Variants in PRKG1 observed in about 807,000 individuals in gnomAD.
PRKG1 encodes the protein cGMP-dependent protein kinase 1.
Under a neutral mutation model 88.1 loss-of-function variants are expected in PRKG1, and 35 were observed. That is an observed-to-expected ratio of 0.40 (90% CI 0.30 to 0.53). The LOEUF (loss-of-function observed/expected upper bound fraction) is 0.53. Ranked by LOEUF, PRKG1 falls within the 20% of genes least tolerant of loss-of-function variation. The probability of loss-of-function intolerance (pLI) is 0.59; values close to 1 mark genes in which losing one functional copy is unlikely to be tolerated. For missense variants in PRKG1, 540 were observed against 839.8 expected, an observed-to-expected ratio of 0.64 and a Z score of 4.41; for synonymous variants, 303 against 292.5, an observed-to-expected ratio of 1.04 and a Z score of -0.37.
chr10:51,052,322 A>G (rs1323751745), intron 1 of PRKG1, among the ~76,000 whole-genome samples: 1 of 152,176 alleles, frequency 6.6e-6, no homozygotes, highest in South Asian at 2.1e-4. Context: ...TTTAACCTGG[A>G]ATTTTCTTAT....
At chr10:51,189,313 C>T (rs1324038556) in intron 2 of PRKG1, among the ~76,000 whole-genome samples, 1 of 151,926 alleles carries the variant, frequency 6.6e-6, no homozygotes, top group East Asian at 1.9e-4. Context: ...TTCTATAAAA[C>T]AAACAGAAAC....
intron 2 of PRKG1, among the ~76,000 whole-genome samples, chr10:51,190,088 A>C (rs1837594335): frequency 6.6e-6 from 1 of 152,072 alleles, no homozygotes; most frequent in South Asian, 2.1e-4. Flanking sequence ...GTGACTAAAC[A>C]CTTGAGTTCA....
chr10:51,282,020 A>G (rs1013538420), intron 2 of PRKG1, among the ~76,000 whole-genome samples: 3 of 152,212 alleles, frequency 2.0e-5, no homozygotes, highest in Admixed American at 2.0e-4. Flanking sequence ...GGCTAGTTGC[A>G]AACTATTCTT....
chr10:51,985,285 C>A (rs1844124704), intron 5 of PRKG1, among the ~76,000 whole-genome samples: 1 of 151,864 alleles, frequency 6.6e-6, no homozygotes, highest in African/African-American at 2.4e-5. Context: ...AAGCTTGTTT[C>A]ATGCGATTGA....
intron 3 of PRKG1, chr10:51,698,222 A>T (rs571252591): frequency 6.2e-7 from 1 of 1,613,964 alleles, no homozygotes; most frequent in Non-Finnish European, 8.5e-7. Flanking sequence ...TCTGGTTTCC[A>T]TCGCACAGGT....
intron 2 of PRKG1, among the ~76,000 whole-genome samples, chr10:51,455,960 T>C (rs574951373): frequency 6.6e-6 from 1 of 152,214 alleles, no homozygotes; most frequent in Non-Finnish European, 1.5e-5. Context: ...ACCCAACTCC[T>C]GGTACCAATT....
intron 2 of PRKG1, among the ~76,000 whole-genome samples, chr10:51,282,848 T>C (rs1197082762): frequency 1.3e-5 from 2 of 152,152 alleles, no homozygotes. Flanking sequence ...TTTATTTATG[T>C]TTATAATATC....
chr10:52,082,951 A>T (rs909815939), intron 7 of PRKG1, among the ~76,000 whole-genome samples: 1 of 152,116 alleles, frequency 6.6e-6, no homozygotes, highest in Non-Finnish European at 1.5e-5. Context: ...AAGAAAGCTT[A>T]TATCTTTTAG....
Position 51,995,966 on chromosome 10 carries a change from G to T in PRKG1, c.763-58518G>T, listed in dbSNP as rs1231734849. The stretch of plus-strand genomic sequence containing the variant: ...AACAAAAGCAAAAATATATCAGTGG[G>T]ATTACATTAAACTAAAAAGCTTCTG... On this transcript the variant is annotated intron_variant, in intron 5 of 17. Coordinates refer to ENST00000373980, the MANE Select transcript of PRKG1 (RefSeq NM_006258.4). 2.0e-5 allele frequency among the ~76,000 whole-genome samples: 3 copies of T among 152,048 alleles called. No individual in the cohort carries two copies. The East Asian group carries it at 5.8e-4, about 29-fold the overall frequency.
intron 4 of PRKG1, among the ~76,000 whole-genome samples, chr10:51,872,547 A>T (rs942251118): frequency 2.6e-5 from 4 of 152,148 alleles, no homozygotes; most frequent in African/African-American, 9.7e-5. Context: ...TAACTACAAG[A>T]CTTATAATTT....
At chr10:51,363,437 A>G (rs543732296) in intron 2 of PRKG1, among the ~76,000 whole-genome samples, 21 of 152,090 alleles carry the variant, frequency 1.4e-4, no homozygotes, top group Non-Finnish European at 1.9e-4. Context: ...TCTTTGCCGA[A>G]CTAAATCAAA....
intron 5 of PRKG1, among the ~76,000 whole-genome samples, chr10:52,031,052 C>A (rs1446259283): frequency 6.6e-6 from 1 of 151,744 alleles, no homozygotes; most frequent in East Asian, 1.9e-4. Flanking sequence ...ATTATTTATT[C>A]TCAAACTTTA....
intron 1 of PRKG1, among the ~76,000 whole-genome samples, chr10:50,993,517 C>T (rs1227666419): frequency 6.6e-6 from 1 of 152,238 alleles, no homozygotes; most frequent in East Asian, 1.9e-4. Context: ...AGCGGCTGCC[C>T]TGCCCTGCGC....
chr10:52,073,239 T>C (rs765161534), intron 7 of PRKG1, among the ~76,000 whole-genome samples: 1 of 152,346 alleles, frequency 6.6e-6, no homozygotes, highest in Non-Finnish European at 1.5e-5. Context: ...TGATCCAGTA[T>C]GGCAGCACCT....
At chr10:51,092,708 GTT>G (rs1377668517) in intron 1 of PRKG1, among the ~76,000 whole-genome samples, 1 of 150,324 alleles carries the variant, frequency 6.7e-6, no homozygotes, top group African/African-American at 2.5e-5. Context: ...CAGAAATGAA[GTT>G]TCAGTGTGAG....
intron 5 of PRKG1, among the ~76,000 whole-genome samples, chr10:51,923,743 T>A (rs73335468): frequency 0.047 from 7,077 of 152,160 alleles, 551 homozygotes; most frequent in African/African-American, 0.16. Flanking sequence ...TTGTTACTCT[T>A]ATTATTTTGA....
intron 1 of PRKG1, among the ~76,000 whole-genome samples, chr10:51,120,375 A>G (rs1845231446): frequency 6.6e-6 from 1 of 152,142 alleles, no homozygotes. Flanking sequence ...AAGAGGAAAA[A>G]GGTGTACAAA....
chr10:52,116,822 C>A lies in PRKG1; in HGVS notation c.936-17018C>A, dbSNP rs115333165. On this transcript the variant is annotated intron_variant, in intron 7 of 17. Coordinates refer to ENST00000373980, the MANE Select transcript of PRKG1 (RefSeq NM_006258.4). ...TTCCCAAAATTAGCCCTGTCAAATA[C>A]CATTATTTTCCTCATTTTTTTTTTT... Among the ~76,000 whole-genome samples the A allele has an allele frequency of 2.2e-3, 340 of 151,972 alleles. 2 individuals carry two copies. The highest frequency in any genetic ancestry group is 7.8e-3 in the African/African-American group (322 of 41,412).
rs10595011 is a variant in PRKG1 at position 52,097,762 on chromosome 10, A to AATAT, written c.935+35150_935+35153dup. ...ATGGTGTGGTGATTTTAATAGGCCT[A>AATAT]ATATATATATATATATATATATGTA... On this transcript the variant is annotated intron_variant, in intron 7 of 17. Transcript: ENST00000373980. Among the ~76,000 whole-genome samples the AATAT allele has an allele frequency of 2.4e-4, 35 of 147,772 alleles. 1 individual carries two copies. The highest frequency in any genetic ancestry group is 7.9e-4 in the African/African-American group (32 of 40,676).
Sources: allele counts gnomAD v4.1 joint callset (sites outside exome capture counted in the v4.1 genomes callset), GRCh38; gene constraint gnomAD v4.1.1; transcripts MANE v1.5; gene names NCBI Gene and HGNC (gene_info 2026-07-23, HGNC 2026-07-21).